Variants in SGCZ observed in about 807,000 individuals in gnomAD.
The protein encoded by SGCZ is sarcoglycan zeta.
In SGCZ, 40 loss-of-function variants were observed where a neutral mutation model predicts 41.3. That is an observed-to-expected ratio of 0.97 (90% CI 0.75 to 1.26). The LOEUF is 1.26. SGCZ is among the 50% of genes most tolerant of loss of function. The pLI is 0.00. For missense variants in SGCZ, 552 were observed against 369.8 expected, an observed-to-expected ratio of 1.49 and a Z score of -4.04; for synonymous variants, 206 against 137.5, an observed-to-expected ratio of 1.50 and a Z score of -3.49.
chr8:15,235,179 C>G (rs1038033499), intron 1 of SGCZ, among the ~76,000 whole-genome samples: 3 of 152,142 alleles, frequency 2.0e-5, no homozygotes, highest in African/African-American at 4.8e-5. Context: ...ACCAAGCCAA[C>G]CAACTCCGCT....
Position 14,342,477 on chromosome 8 carries a change from G to A in SGCZ, c.235-18273C>T, listed in dbSNP as rs182155371. Among the ~76,000 whole-genome samples, 405 of 152,038 alleles carry A rather than the reference G, an allele frequency of 2.7e-3. 1 individual carries two copies. The highest frequency in any genetic ancestry group is 8.6e-3 in the East Asian group (44 of 5,114). On this transcript the variant is annotated intron_variant, in intron 2 of 7. Transcript: ENST00000382080. ...ACTACAGGTGCCCGCCATCACGCCC[G>A]GCTAATTTTTTGTATTTTTAGTAGA...
intron 3 of SGCZ, among the ~76,000 whole-genome samples, chr8:14,297,923 G>T (rs1801067078): frequency 1.3e-5 from 2 of 151,478 alleles, no homozygotes; most frequent in South Asian, 2.1e-4. Context: ...AATACAACTA[G>T]ATAAAAGTCT....
chr8:14,750,992 A>G (rs970336268), intron 1 of SGCZ, among the ~76,000 whole-genome samples: 5 of 152,208 alleles, frequency 3.3e-5, no homozygotes, highest in Non-Finnish European at 5.9e-5. Context: ...GTTATGAACC[A>G]AATGAAAACT....
intron 1 of SGCZ, among the ~76,000 whole-genome samples, chr8:14,698,655 T>C (rs1406605669): frequency 6.6e-6 from 1 of 151,948 alleles, no homozygotes; most frequent in Non-Finnish European, 1.5e-5. Flanking sequence ...TGACATATTA[T>C]ATCCTAATCT....
At chr8:14,665,775 T>C (rs969948610) in intron 1 of SGCZ, among the ~76,000 whole-genome samples, 1 of 152,174 alleles carries the variant, frequency 6.6e-6, no homozygotes. Context: ...CTAATGTCTG[T>C]GTAGAAATCT....
At chr8:14,259,797 C>CT (rs1431509345) in intron 3 of SGCZ, among the ~76,000 whole-genome samples, 1 of 150,502 alleles carries the variant, frequency 6.6e-6, no homozygotes, top group Non-Finnish European at 1.5e-5. Flanking sequence ...GATGCGGGCT[C>CT]TTTTTTGGTT....
chr8:14,788,709 G>C (rs1321313290), intron 1 of SGCZ, among the ~76,000 whole-genome samples: 1 of 152,162 alleles, frequency 6.6e-6, no homozygotes, highest in African/African-American at 2.4e-5. Context: ...CTATGAAATT[G>C]TCATGAACAA....
intron 1 of SGCZ, among the ~76,000 whole-genome samples, chr8:15,228,365 A>T (rs1246750229): frequency 6.6e-6 from 1 of 152,194 alleles, no homozygotes; most frequent in South Asian, 2.1e-4. Context: ...TATCATTAAG[A>T]CACGACACTG....
rs35838178 is a variant in SGCZ at position 14,525,143 on chromosome 8, CATAGATAGATAGATAGATAGATAG to C, written c.234+29565_234+29588del. On this transcript the variant is annotated intron_variant, in intron 2 of 7. Transcript: ENST00000382080. ...AGATAGATACATTGATAGATAGACA[CATAGATAGATAGATAGATAGATAG>C]ATAGATAGATAGATAGATAGATAGA... Among the ~76,000 whole-genome samples the C allele has an allele frequency of 1.7e-4, 24 of 142,756 alleles. No individual in the cohort carries two copies. The East Asian group carries it at 2.7e-3, about 16-fold the overall frequency. 93.7% of individuals were successfully genotyped at this position (142,756 alleles called of 152,430 possible).
At chr8:14,472,095 T>A (rs1237099446) in intron 2 of SGCZ, among the ~76,000 whole-genome samples, 2 of 152,066 alleles carry the variant, frequency 1.3e-5, no homozygotes, top group Non-Finnish European at 2.9e-5. Flanking sequence ...CTTCTCTGGT[T>A]TTTGCAATTC....
intron 2 of SGCZ, among the ~76,000 whole-genome samples, chr8:14,534,263 G>A (rs1585056136): frequency 6.6e-6 from 1 of 151,988 alleles, no homozygotes; most frequent in East Asian, 1.9e-4. Context: ...GGAAGCAGGT[G>A]CAGAAACAGA....
chr8:14,183,571 C>T (rs1804804177), intron 4 of SGCZ, among the ~76,000 whole-genome samples: 1 of 152,136 alleles, frequency 6.6e-6, no homozygotes, highest in Non-Finnish European at 1.5e-5. Context: ...AATGTTTTAA[C>T]TACCTTGAGA....
intron 1 of SGCZ, among the ~76,000 whole-genome samples, chr8:14,639,488 A>G (rs570408264): frequency 6.6e-6 from 1 of 151,784 alleles, no homozygotes; most frequent in South Asian, 2.1e-4. Context: ...CTCTTACCGC[A>G]TTTTCTTTCT....
intron 1 of SGCZ, among the ~76,000 whole-genome samples, chr8:14,726,215 A>C (rs1378022605): frequency 1.4e-5 from 2 of 148,042 alleles, no homozygotes; most frequent in Non-Finnish European, 3.0e-5. Context: ...GTGAGCAGAG[A>C]TTGTGCCACT....
chr8:14,223,610 T>G (rs148112032), intron 4 of SGCZ, among the ~76,000 whole-genome samples: 26 of 152,282 alleles, frequency 1.7e-4, no homozygotes, highest in African/African-American at 5.3e-4. Flanking sequence ...TTCAATGTCC[T>G]GTCAGTTATT....
chr8:14,178,652 A>G (rs1804627839), intron 4 of SGCZ, among the ~76,000 whole-genome samples: 1 of 152,208 alleles, frequency 6.6e-6, no homozygotes, highest in South Asian at 2.1e-4. Context: ...ATGTGTTTAA[A>G]CTTCTTGCTT....
intron 1 of SGCZ, among the ~76,000 whole-genome samples, chr8:14,964,903 T>C (rs945284611): frequency 6.6e-6 from 1 of 152,146 alleles, no homozygotes; most frequent in Non-Finnish European, 1.5e-5. Flanking sequence ...TCATTTAGCA[T>C]CTTTTGAACT....
At chr8:15,006,603 TAA>T (rs1358715752) in intron 1 of SGCZ, among the ~76,000 whole-genome samples, 1 of 152,178 alleles carries the variant, frequency 6.6e-6, no homozygotes, top group Non-Finnish European at 1.5e-5. Flanking sequence ...CCCAAAATGT[TAA>T]GAGTTAATAA....
chr8:14,125,091 G>A (rs1802809699), intron 5 of SGCZ, among the ~76,000 whole-genome samples: 1 of 152,206 alleles, frequency 6.6e-6, no homozygotes, highest in Non-Finnish European at 1.5e-5. Context: ...AACAGGGGAT[G>A]CGAAGGACTT....
Sources: allele counts gnomAD v4.1 joint callset (sites outside exome capture counted in the v4.1 genomes callset), GRCh38; gene constraint gnomAD v4.1.1; transcripts MANE v1.5; gene names NCBI Gene and HGNC (gene_info 2026-07-23, HGNC 2026-07-21).